Variants in RPS6KA2 observed in about 807,000 individuals in gnomAD.
The protein encoded by RPS6KA2 is ribosomal protein S6 kinase alpha-2.
In RPS6KA2, 42 loss-of-function variants were observed where a neutral mutation model predicts 91.8. The ratio of observed to expected loss-of-function variants is 0.46; its 90% CI spans 0.36 to 0.59. RPS6KA2 has a LOEUF of 0.59. Among genes scored for constraint, RPS6KA2 ranks in the 20% least tolerant of loss-of-function variants. The pLI, the probability that RPS6KA2 is intolerant of heterozygous loss-of-function variation, is 0.00. For missense variants in RPS6KA2, 798 were observed against 978.5 expected (o/e 0.82, Z 2.46); for synonymous variants, 414 against 393.6 (o/e 1.05, Z -0.61).
At chr6:166,746,139 G>C (rs1791002089) in intron 2 of RPS6KA2, among the ~76,000 whole-genome samples, 1 of 152,204 alleles carries the variant, frequency 6.6e-6, no homozygotes, top group Admixed American at 6.5e-5. Context: ...GGACAGCTGA[G>C]TGGCCAGTGC....
chr6:166,819,006 T>C (rs1413658703), intron 2 of RPS6KA2, among the ~76,000 whole-genome samples: 1 of 152,072 alleles, frequency 6.6e-6, no homozygotes, highest in East Asian at 1.9e-4. Context: ...TGTTTTCTTA[T>C]GACTATGGGG....
chr6:166,669,344 C>T (rs1196888708), intron 2 of RPS6KA2, among the ~76,000 whole-genome samples: 1 of 152,136 alleles, frequency 6.6e-6, no homozygotes, highest in Non-Finnish European at 1.5e-5. Context: ...GGACGAGGCT[C>T]CCAGCCCATC....
chr6:166,509,806 G>A (rs395475), intron 4 of RPS6KA2, among the ~76,000 whole-genome samples: 75,661 of 152,050 alleles, frequency 0.5, 20,045 homozygotes, highest in South Asian at 0.57. Context: ...TTGAGCCTCA[G>A]AACATGAAAA....
intron 2 of RPS6KA2, among the ~76,000 whole-genome samples, chr6:166,682,146 A>G (rs1001139303): frequency 6.6e-6 from 1 of 152,250 alleles, no homozygotes; most frequent in Non-Finnish European, 1.5e-5. Context: ...TATGTTTCAG[A>G]ATAAACTTCC....
intron 19 of RPS6KA2, among the ~76,000 whole-genome samples, chr6:166,417,607 ATC>A (rs879832125): frequency 9.2e-4 from 120 of 130,358 alleles, no homozygotes; most frequent in African/African-American, 3.6e-3. Context: ...TTACAAATAA[ATC>A]TCTCTCTCTA....
In RPS6KA2 at chr6:166,732,459, G is replaced by A. The variant is rs1790556926; in HGVS notation, c.123+125741C>T. On this transcript the variant is annotated intron_variant, in intron 2 of 21. Coordinates refer to the RPS6KA2 transcript ENST00000503859. This position sits in a 1 kb window ranked among gnomAD's most constrained non-coding sequence, Gnocchi z 4.0. ...TTTGCCTGTCCACCTGGAGGGATGT[G>A]ACTTCCATCAGGCTACAAACATCCT... 6.6e-6 allele frequency among the ~76,000 whole-genome samples: 1 copy of A among 152,196 alleles called. No homozygotes were observed. The highest frequency in any genetic ancestry group is 1.5e-5 in the Non-Finnish European group (1 of 68,038).
intron 2 of RPS6KA2, among the ~76,000 whole-genome samples, chr6:166,798,181 T>C (rs1478480252): frequency 6.6e-6 from 1 of 152,172 alleles, no homozygotes; most frequent in Non-Finnish European, 1.5e-5. Flanking sequence ...TATTGAACAA[T>C]GGAATTTGCT....
In RPS6KA2 at chr6:166,533,248, C is replaced by A. The variant is rs1783355601; in HGVS notation, c.217-1935G>T. Among the ~76,000 whole-genome samples, 1 of 152,242 alleles carries A rather than the reference C, an allele frequency of 6.6e-6. No homozygotes were observed. The highest frequency in any genetic ancestry group is 2.4e-5 in the African/African-American group (1 of 41,466). On this transcript the variant is annotated intron_variant, in intron 2 of 20. Transcript: ENST00000265678. This position sits in a 1 kb window ranked among gnomAD's most constrained non-coding sequence, Gnocchi z 4.0. ...GATGCAACTCCTTTCATTTCTCCAG[C>A]CCGTCCGTGTGCCTAATGTCCCTAG... is the stretch of plus-strand genomic sequence containing the variant.
intron 1 of RPS6KA2, among the ~76,000 whole-genome samples, chr6:166,546,837 A>C (rs1263023521): frequency 6.6e-6 from 1 of 152,256 alleles, no homozygotes; most frequent in East Asian, 1.9e-4. Flanking sequence ...GTTTCCATTA[A>C]GAAGAATAAA....
At position 166,434,323 on chromosome 6, in the gene RPS6KA2, T is replaced by C. The variant is rs908075927; in HGVS notation, c.1333-1833A>G. On this transcript the variant is annotated intron_variant, in intron 14 of 20. Transcript: ENST00000265678. This position sits in a 1 kb window ranked among gnomAD's most constrained non-coding sequence, Gnocchi z 4.4. The stretch of plus-strand genomic sequence containing the variant: ...TTAGGGTCCCTTTCTGGACATAGAA[T>C]TTCTCTCCTTCTGCTGCATTTAATT... 6.6e-6 allele frequency among the ~76,000 whole-genome samples: 1 copy of C among 152,236 alleles called. No homozygotes were observed. Among genetic ancestry groups the C allele is most frequent in the African/African-American group, 2.4e-5 (1 of 41,462 alleles).
intron 2 of RPS6KA2, among the ~76,000 whole-genome samples, chr6:166,744,582 C>T (rs377140773): frequency 6.4e-4 from 98 of 152,246 alleles, no homozygotes; most frequent in South Asian, 3.7e-3. Context: ...GCTGGAGAGC[C>T]GCGCACCCGT....
intron 5 of RPS6KA2, among the ~76,000 whole-genome samples, chr6:166,506,356 G>C (rs777357230): frequency 4.6e-5 from 7 of 152,148 alleles, no homozygotes; most frequent in Non-Finnish European, 1.0e-4. Context: ...TGGTCAGGGG[G>C]CCCAACCACA....
Position 166,501,021 on chromosome 6 carries a change from C to A in RPS6KA2, c.567-97G>T, listed in dbSNP as rs199502575. ...AGGAGAGCTGCGGGGCAGCTGGGGG[C>A]GGACGTTTTCAGGGAGCCCTGATGG... On this transcript the variant is annotated intron_variant, in intron 6 of 20. Coordinates refer to ENST00000265678, the MANE Select transcript of RPS6KA2 (RefSeq NM_021135.6). 2.8e-5 allele frequency: 33 copies of A among 1,164,754 alleles called. 1 individual carries two copies. In the South Asian group the frequency reaches 4.3e-4, roughly 15 times the overall value. 72.2% of individuals were successfully genotyped at this position (1,164,754 alleles called of 1,614,324 possible). A position where few individuals can be genotyped will look rare whatever the true frequency, so the allele number is the denominator to read the frequency against.
Position 166,459,953 on chromosome 6 carries a change from C to T in RPS6KA2, c.973-402G>A, listed in dbSNP as rs190414028. 5.2e-4 allele frequency among the ~76,000 whole-genome samples: 79 copies of T among 152,292 alleles called. No individual in the cohort carries two copies. The highest frequency in any genetic ancestry group is 1.9e-3 in the African/African-American group (79 of 41,562). On this transcript the variant is annotated intron_variant, in intron 11 of 20. Transcript: ENST00000265678. The surrounding 1 kb of genome is among the most constrained non-coding windows in gnomAD (Gnocchi z 4.9). ...CCCACTGGGGACAGCAGTGAAGAGGCCGTGTGGCTCTCTCCTCCCTGCCCT... is the reference window on the plus strand; with the variant it reads ...CCCACTGGGGACAGCAGTGAAGAGGTCGTGTGGCTCTCTCCTCCCTGCCCT...
intron 2 of RPS6KA2, among the ~76,000 whole-genome samples, chr6:166,788,564 T>G (rs1399339933): frequency 6.6e-6 from 1 of 152,162 alleles, no homozygotes; most frequent in Non-Finnish European, 1.5e-5. Flanking sequence ...GAAGCCATCA[T>G]CCTCAACAAA....
At chr6:166,761,119 AG>A (rs1340521079) in intron 2 of RPS6KA2, among the ~76,000 whole-genome samples, 1 of 152,194 alleles carries the variant, frequency 6.6e-6, no homozygotes. Context: ...GCTGGAGTGC[AG>A]TGGTGCGATC....
At chr6:166,594,413 T>C (rs1011222284) in intron 1 of RPS6KA2, among the ~76,000 whole-genome samples, 1 of 152,186 alleles carries the variant, frequency 6.6e-6, no homozygotes, top group South Asian at 2.1e-4. Context: ...ATTAAAAAAA[T>C]TGTCACGTGA....
intron 1 of RPS6KA2, among the ~76,000 whole-genome samples, chr6:166,594,710 C>T (rs1441205222): frequency 2.6e-5 from 4 of 152,240 alleles, no homozygotes; most frequent in Non-Finnish European, 5.9e-5. Context: ...GATCCGCCCG[C>T]CTCGGCCTCC....
At chr6:166,562,252 G>A (rs374719152) in intron 1 of RPS6KA2, among the ~76,000 whole-genome samples, 1 of 152,098 alleles carries the variant, frequency 6.6e-6, no homozygotes, top group Admixed American at 6.6e-5. Flanking sequence ...TTAGTCTCCT[G>A]GGCCTCTGTA....
Sources: gnomAD v4.1 joint callset for allele counts (sites outside exome capture counted in the v4.1 genomes callset) on GRCh38, gnomAD v4.1.1 for gene constraint, Gnocchi (gnomAD v3.1) non-coding constraint, MANE v1.5 for transcripts, NCBI Gene and HGNC (gene_info 2026-07-23, HGNC 2026-07-21) for gene names.